The following ANTXR1 variants were observed in gnomAD, a reference collection of about 807,000 sequenced individuals.
ANTXR1 encodes the protein anthrax toxin receptor 1.
Under a neutral mutation model 78.1 loss-of-function variants are expected in ANTXR1, and 19 were observed. The observed-to-expected ratio is 0.24, with a 90% CI of 0.17 to 0.36. The LOEUF (loss-of-function observed/expected upper bound fraction) is 0.36. Ranked by LOEUF, ANTXR1 falls within the 10% of genes least tolerant of loss-of-function variation. ANTXR1 has a pLI of 1.00. For missense variants in ANTXR1, 518 were observed against 718.6 expected (o/e 0.72, Z 3.19); for synonymous variants, 273 against 260.5 (o/e 1.05, Z -0.46).
chr2:69,091,035 G>T, intron 9 of ANTXR1, 116 bp downstream of exon 9: 1 of 1,029,578 alleles, frequency 9.7e-7, no homozygotes, highest in Non-Finnish European at 1.5e-6. Flanking sequence ...GGGGTAGGGT[G>T]AAAAGAGGAG....
chr2:69,025,716 A>G (rs1427462916), intron 1 of ANTXR1, among the ~76,000 whole-genome samples: 1 of 152,240 alleles, frequency 6.6e-6, no homozygotes, highest in Admixed American at 6.5e-5. Context: ...TTCAGATGCT[A>G]TTAGACAACA....
At chr2:69,171,740 A>G (rs1000199133) in intron 14 of ANTXR1, among the ~76,000 whole-genome samples, 1 of 152,234 alleles carries the variant, frequency 6.6e-6, no homozygotes, top group Non-Finnish European at 1.5e-5. Flanking sequence ...CACACACAGT[A>G]CAAGCTCAGC....
intron 12 of ANTXR1, among the ~76,000 whole-genome samples, chr2:69,130,598 A>G (rs140808363): frequency 1.3e-4 from 20 of 152,376 alleles, no homozygotes; most frequent in African/African-American, 4.6e-4. Flanking sequence ...AGTCTGTTTC[A>G]GAACCTGTCT....
chr2:69,154,369 C>G (rs1185543675), intron 13 of ANTXR1, among the ~76,000 whole-genome samples: 1 of 152,150 alleles, frequency 6.6e-6, no homozygotes, highest in Non-Finnish European at 1.5e-5. Flanking sequence ...GGCTTGGGCT[C>G]CAGTGCTTGG....
At chr2:69,161,711 A>G (rs1204298721) in intron 13 of ANTXR1, among the ~76,000 whole-genome samples, 2 of 152,238 alleles carry the variant, frequency 1.3e-5, no homozygotes, top group Non-Finnish European at 2.9e-5. Flanking sequence ...GGGAGCCAGA[A>G]TGGAAGGCTA....
At chr2:69,197,203 A>C (rs1008933157) in intron 17 of ANTXR1, among the ~76,000 whole-genome samples, 12 of 152,326 alleles carry the variant, frequency 7.9e-5, no homozygotes, top group African/African-American at 2.9e-4. Flanking sequence ...AACCACCTAA[A>C]TAGCAAACCA....
chr2:69,016,623 A>G (rs971314513), intron 1 of ANTXR1, among the ~76,000 whole-genome samples: 1 of 152,244 alleles, frequency 6.6e-6, no homozygotes, highest in African/African-American at 2.4e-5. Context: ...TGCAATTACC[A>G]AACGTCATCT....
At chr2:69,063,706 A>G (rs1444206084) in intron 3 of ANTXR1, among the ~76,000 whole-genome samples, 9 of 152,166 alleles carry the variant, frequency 5.9e-5, no homozygotes, top group Admixed American at 5.9e-4. Context: ...AAATAACACT[A>G]TTTTTGGATT....
intron 14 of ANTXR1, among the ~76,000 whole-genome samples, chr2:69,176,274 G>A (rs960339516): frequency 2.0e-5 from 3 of 151,952 alleles, no homozygotes; most frequent in Non-Finnish European, 2.9e-5. Flanking sequence ...CTTTGTTTAC[G>A]TAAACAGATA....
intron 17 of ANTXR1, among the ~76,000 whole-genome samples, chr2:69,213,850 C>A (rs1381350142): frequency 6.6e-6 from 1 of 152,250 alleles, no homozygotes; most frequent in Non-Finnish European, 1.5e-5. Flanking sequence ...GTCAACATTC[C>A]CTGTGACTTT....
intron 17 of ANTXR1, among the ~76,000 whole-genome samples, chr2:69,223,276 C>G (rs1319214448): frequency 6.6e-6 from 1 of 152,246 alleles, no homozygotes; most frequent in African/African-American, 2.4e-5. Context: ...CCATGCCTTA[C>G]TCAGAGCCAA....
rs1674983213 is a variant in ANTXR1, at chr2:69,209,318, C to A, written c.1434+15903C>A. On this transcript the variant is annotated intron_variant, in intron 17 of 17. Coordinates refer to ENST00000303714, the MANE Select transcript of ANTXR1 (RefSeq NM_032208.3). ...GAGCCATATAATTTACAATTATTTT[C>A]TAATATATTTATTCTGACCCTGTGA... Among the ~76,000 whole-genome samples, 4 of 152,192 alleles carry A rather than the reference C, an allele frequency of 2.6e-5. No homozygotes were observed. The South Asian group carries it at 8.3e-4, about 32-fold the overall frequency.
At position 69,102,986 on chromosome 2, in the gene ANTXR1, A is replaced by G. The variant is rs6710260; in HGVS notation, c.802+46A>G. 301,318 of 1,572,406 alleles carry G rather than the reference A, an allele frequency of 0.19. 41,544 individuals are homozygous for G. The highest frequency in any genetic ancestry group is 0.73 in the African/African-American group (54,001 of 74,204). On this transcript the variant is annotated intron_variant, in intron 10 of 17. Coordinates refer to ENST00000303714, the MANE Select transcript of ANTXR1 (RefSeq NM_032208.3). ...TGGGTTTCTTCGACAAGTGGCTTCA[A>G]GGAAGGGAATTCCCACCCTTGTCTT...
At chr2:69,138,410 C>T (rs1672976870) in intron 12 of ANTXR1, among the ~76,000 whole-genome samples, 1 of 152,168 alleles carries the variant, frequency 6.6e-6, no homozygotes, top group South Asian at 2.1e-4. Flanking sequence ...ACCCCAGAGT[C>T]ATTACGTGTA....
intron 1 of ANTXR1, among the ~76,000 whole-genome samples, chr2:69,037,221 CA>C (rs1401360201): frequency 6.6e-6 from 1 of 152,230 alleles, no homozygotes; most frequent in Non-Finnish European, 1.5e-5. Context: ...GTTCAGTTGG[CA>C]AAAGATCAGG....
intron 14 of ANTXR1, among the ~76,000 whole-genome samples, chr2:69,179,972 A>AAG (rs1181270853): frequency 6.6e-6 from 1 of 152,100 alleles, no homozygotes; most frequent in Non-Finnish European, 1.5e-5. Context: ...GCAACCAAGT[A>AAG]AGAGAGAGAG....
intron 1 of ANTXR1, among the ~76,000 whole-genome samples, chr2:69,019,907 A>G (rs1280371330): frequency 6.6e-6 from 1 of 152,232 alleles, no homozygotes; most frequent in Non-Finnish European, 1.5e-5. Context: ...TGCAAAGAAC[A>G]TCATCTCCTT....
At chr2:69,075,969 C>T (rs1416513220) in intron 7 of ANTXR1, among the ~76,000 whole-genome samples, 2 of 152,088 alleles carry the variant, frequency 1.3e-5, no homozygotes, top group African/African-American at 4.8e-5. Flanking sequence ...TGTTTTGAGA[C>T]AGAGTCTCAC....
intron 2 of ANTXR1, among the ~76,000 whole-genome samples, chr2:69,041,893 A>G (rs1294669536): frequency 3.9e-5 from 6 of 152,176 alleles, no homozygotes; most frequent in Admixed American, 2.6e-4. Flanking sequence ...TTGGCCATGG[A>G]GCCCCTCAAA....
Sources: gnomAD v4.1 joint callset for allele counts (sites outside exome capture counted in the v4.1 genomes callset) on GRCh38, gnomAD v4.1.1 for gene constraint, MANE v1.5 for transcripts, NCBI Gene and HGNC (gene_info 2026-07-23, HGNC 2026-07-21) for gene names.